The following AQP4 variants were observed in gnomAD, a reference collection of about 807,000 sequenced individuals.
AQP4 encodes aquaporin 4, also known as aquaporin-4.
Under a neutral mutation model 27.8 loss-of-function variants are expected in AQP4, and 18 were observed. The observed-to-expected ratio is 0.65, with a 90% CI of 0.45 to 0.96. The LOEUF (loss-of-function observed/expected upper bound fraction) is 0.96, where lower values mean the gene tolerates loss of function less well. AQP4 is among the 40% of genes least tolerant of loss of function. AQP4 has a pLI of 0.00. For synonymous variants in AQP4, 141 were observed against 142.9 expected (o/e 0.99, Z 0.10); for missense variants, 412 against 408.2 (o/e 1.01, Z -0.08).
chr18:26,865,786 A>C (rs566667640), upstream of AQP4: 8 of 1,450,874 alleles, frequency 5.5e-6, no homozygotes, highest in Non-Finnish European at 6.8e-6. Context: ...GGGTTTTTGG[A>C]GTGTTAGGGG....
chr18:26,862,994 C>CGTG (rs1568070377), intron 1 of AQP4: 1 of 48,988 alleles, frequency 2.0e-5, no homozygotes, highest in Non-Finnish European at 4.7e-5. Context: ...ACAAGGTGTG[C>CGTG]GTGGGGGGGG....
At chr18:26,863,852 G>C (rs1466549339) in intron 1 of AQP4, among the ~76,000 whole-genome samples, 1 of 152,280 alleles carries the variant, frequency 6.6e-6, no homozygotes, top group Non-Finnish European at 1.5e-5. Context: ...TGGTGGGCAG[G>C]GAGTCTGGGA....
Position 26,855,249 on chromosome 18 carries a change from C to G in AQP4, c.*962G>C, listed in dbSNP as rs970814894. The G allele has an allele frequency of 6.6e-6, 1 of 152,162 alleles. No individual in the cohort carries two copies. Among genetic ancestry groups the G allele is most frequent in the Admixed American group, 6.5e-5 (1 of 15,272 alleles). The allele number at this position is 152,162 out of a possible 1,614,324, so 9.4% of individuals were successfully genotyped here. A position where few individuals can be genotyped will look rare whatever the true frequency, so the allele number is the denominator to read the frequency against. ...TCTTGTTATCAAAAATATGTCTCAG[C>G]TAATGTTTAAATATAGATAACCAAA... On this transcript the variant is annotated 3_prime_UTR_variant, in exon 5 of 5. Transcript: ENST00000383168.
intron 4 of AQP4, among the ~76,000 whole-genome samples, chr18:26,858,968 A>C (rs2054891269): frequency 6.6e-6 from 1 of 152,236 alleles, no homozygotes; most frequent in African/African-American, 2.4e-5. Context: ...ACTTTAAATT[A>C]GTTCTAAATT....
intron 4 of AQP4, among the ~76,000 whole-genome samples, chr18:26,858,308 C>A (rs1312444911): frequency 1.3e-5 from 2 of 151,906 alleles, no homozygotes; most frequent in Non-Finnish European, 2.9e-5. Context: ...AAAATGAAAA[C>A]CTCTCTTTTG....
intron 4 of AQP4, among the ~76,000 whole-genome samples, chr18:26,858,208 G>A (rs1256512854): frequency 1.3e-5 from 2 of 152,056 alleles, no homozygotes; most frequent in East Asian, 1.9e-4. Context: ...GGGAGGTCTC[G>A]GCTGCAGTGA....
Position 26,856,468 on chromosome 18 carries a change from T to C in AQP4, c.715A>G (p.Ile239Val). The C allele has an allele frequency of 6.2e-7, 1 of 1,614,220 alleles. No individual in the cohort carries two copies. Among genetic ancestry groups the C allele is most frequent in the Non-Finnish European group, 8.5e-7 (1 of 1,180,034 alleles). ...AGGCCACCAGCGAGGACAGCTCCTA[T>C]GATGGGCCCAACCCAATATATCTAA... The part of the protein sequence containing the change: ...NHWIYWVGPI[I>V]GAVLAGGLYE... Residue 239 changes from isoleucine to valine, a missense_variant, in exon 5 of 5, where the codon ATA becomes GTA. Transcript: ENST00000383168.
At chr18:26,857,477 C>T (rs1195272789) in intron 4 of AQP4, among the ~76,000 whole-genome samples, 2 of 152,088 alleles carry the variant, frequency 1.3e-5, no homozygotes, top group Non-Finnish European at 2.9e-5. Flanking sequence ...CAGGTGCCCG[C>T]CACCACGCCT....
Position 26,862,448 on chromosome 18 carries a change from C to T in AQP4, c.181G>A (p.Gly61Arg), listed in dbSNP as rs764792847. The T allele has an allele frequency of 3.1e-5, 50 of 1,614,208 alleles. No individual in the cohort carries two copies. The highest frequency in any genetic ancestry group is 4.2e-5 in the Non-Finnish European group (50 of 1,180,034). Residue 61 changes from glycine to arginine, a missense_variant, in exon 2 of 5, where the codon GGA becomes AGA. Coordinates refer to ENST00000383168, the MANE Select transcript of AQP4 (RefSeq NM_001650.7). Reference protein sequence around the residue: ...LSLGSTINWGGTEKPLPVDMV... With the variant: ...LSLGSTINWGRTEKPLPVDMV... ...TCGACCGGTAAAGGCTTTTCTGTTC[C>T]ACCCCAGTTGATGGTGGATCCCAGG...
At position 26,862,428 on chromosome 18, in the gene AQP4, C is replaced by A. The variant is rs35248760; in HGVS notation, c.201G>T (p.Pro67=). ...INWGGTEKPL[P]VDMVLISLCF... ...AAAGGGAGATGAGAACCATGTCGAC[C>A]GGTAAAGGCTTTTCTGTTCCACCCC... Residue 67 remains proline (P), a synonymous_variant, in exon 2 of 5, where the codon CCG becomes CCT. Coordinates refer to ENST00000383168, the MANE Select transcript of AQP4 (RefSeq NM_001650.7). 0.11 allele frequency: 176,506 copies of A among 1,614,072 alleles called. 11,085 individuals carry two copies. Among genetic ancestry groups the A allele is most frequent in the Non-Finnish European group, 0.12 (147,439 of 1,179,994 alleles).
rs530950440 is a variant in AQP4 at position 26,862,610 on chromosome 18, C to T, written c.33-14G>A. 6.2e-7 allele frequency: 1 copy of T among 1,613,766 alleles called. No individual in the cohort carries two copies. Among genetic ancestry groups the T allele is most frequent in the South Asian group, 1.1e-5 (1 of 91,070 alleles). On this transcript the variant is annotated splice_polypyrimidine_tract_variant and intron_variant, in intron 1 of 4. Coordinates refer to ENST00000383168, the MANE Select transcript of AQP4 (RefSeq NM_001650.7). ...GGTCCACACTTACTGAAAAGAGAAA[C>T]AAATCAGCATCAGAAGCCACTACAC...
At position 26,861,952 on chromosome 18, in the gene AQP4, C is replaced by T. The variant is rs116830086; in HGVS notation, c.447+230G>A. On this transcript the variant is annotated intron_variant, in intron 2 of 4. Coordinates refer to ENST00000383168, the MANE Select transcript of AQP4 (RefSeq NM_001650.7). Reference sequence around the variant, plus strand: ...GGGAGGAAAAAACCAACACAATTTTCGGGCCACCTAGATTTTGTTATTTTT... The same window carrying T: ...GGGAGGAAAAAACCAACACAATTTTTGGGCCACCTAGATTTTGTTATTTTT... 837 of 581,434 alleles carry T rather than the reference C, an allele frequency of 1.4e-3. 5 individuals carry two copies. The highest frequency in any genetic ancestry group is 0.011 in the African/African-American group (578 of 53,642). The allele number at this position is 581,434 out of a possible 1,614,324, so 36.0% of individuals were successfully genotyped here.
intron 1 of AQP4, among the ~76,000 whole-genome samples, chr18:26,863,425 G>A (rs543086469): frequency 2.0e-5 from 3 of 152,144 alleles, no homozygotes; most frequent in African/African-American, 7.2e-5. Context: ...CCGGGCGGCG[G>A]CCAGGTGCAC....
In AQP4 at chr18:26,854,769, T is replaced by A. The variant is rs1019200481; in HGVS notation, c.*1442A>T. ...TTTCTGCTTTACTTCTAATAGCTTT[T>A]GTTTAGTGAAATTGACATTTGCACT... is the stretch of plus-strand genomic sequence containing the variant. On this transcript the variant is annotated 3_prime_UTR_variant, in exon 5 of 5. Transcript: ENST00000383168. 2.0e-5 allele frequency: 3 copies of A among 152,428 alleles called. No homozygotes were observed. The highest frequency in any genetic ancestry group is 2.0e-4 in the Admixed American group (3 of 15,286). The allele number at this position is 152,428 out of a possible 1,614,324, so 9.4% of individuals were successfully genotyped here. A position where few individuals can be genotyped will look rare whatever the true frequency, so the allele number is the denominator to read the frequency against.
intron 2 of AQP4, chr18:26,861,951 TC>T: frequency 1.7e-6 from 1 of 581,722 alleles, no homozygotes; most frequent in Non-Finnish European, 3.0e-6. Context: ...AACACAATTT[TC>T]GGGCCACCTA....
In AQP4 at chr18:26,854,682, T is replaced by A. The variant is rs1382657600; in HGVS notation, c.*1529A>T. The A allele has an allele frequency of 6.5e-6, 1 of 152,702 alleles. No individual in the cohort carries two copies. The highest frequency in any genetic ancestry group is 2.4e-5 in the African/African-American group (1 of 41,462). 9.5% of individuals were successfully genotyped at this position (152,702 alleles called of 1,614,324 possible). ...AAAAAGTGACACAGAGTTGGAACCA[T>A]GCTTGAGAGAAGACAGCCCTTGATC... On this transcript the variant is annotated 3_prime_UTR_variant, in exon 5 of 5. Coordinates refer to ENST00000383168, the MANE Select transcript of AQP4 (RefSeq NM_001650.7).
In AQP4 at chr18:26,861,272, ACCAGCGGTAAGATTTC is replaced by A. The variant is rs1480893723; in HGVS notation, c.455_470del (p.Gly152ValfsTer8). On this transcript the variant is annotated frameshift_variant, in exon 3 of 5. Transcript: ENST00000383168. LOFTEE classifies it high-confidence loss of function. ...TTATCAACTCAACCAGGAGACCATGACCAGCGGTAAGATTTCCATGAACCTAGAGAAAGAAAAATAT... is the reference window on the plus strand; with the variant it reads ...TTATCAACTCAACCAGGAGACCATGACATGAACCTAGAGAAAGAAAAATAT... The A allele has an allele frequency of 6.2e-7, 1 of 1,614,094 alleles. No individual in the cohort carries two copies. The highest frequency in any genetic ancestry group is 1.1e-5 in the South Asian group (1 of 91,078).
chr18:26,853,951 T>C lies in AQP4; in HGVS notation c.*2260A>G, dbSNP rs2054797165. ...CCTTGAAATCATACTTCCTATTAAA[T>C]ATTGAGCAAAATAAAGATTAAAAGA... On this transcript the variant is annotated 3_prime_UTR_variant, in exon 5 of 5. Transcript: ENST00000383168. The C allele has an allele frequency of 6.6e-6, 1 of 152,314 alleles. No homozygotes were observed. Among genetic ancestry groups the C allele is most frequent in the Non-Finnish European group, 1.5e-5 (1 of 68,026 alleles). 9.4% of individuals were successfully genotyped at this position (152,314 alleles called of 1,614,324 possible).
chr18:26,864,878 C>T (rs1185410614), intron 1 of AQP4, among the ~76,000 whole-genome samples: 3 of 152,120 alleles, frequency 2.0e-5, no homozygotes, highest in East Asian at 1.9e-4. Flanking sequence ...CTCACTTCTG[C>T]CATTTCCGGA....
Sources: gnomAD v4.1 joint callset for allele counts (sites outside exome capture counted in the v4.1 genomes callset) on GRCh38, gnomAD v4.1.1 for gene constraint, MANE v1.5 for transcripts, NCBI Gene and HGNC (gene_info 2026-07-23, HGNC 2026-07-21) for gene names.